CCDC91: variants seen among roughly 807,000 people sequenced by gnomAD.
The protein encoded by CCDC91 is coiled-coil domain-containing protein 91.
A neutral mutation model predicts 63.2 loss-of-function variants in CCDC91; 48 were observed. The observed-to-expected ratio is 0.76, with a 90% CI of 0.60 to 0.97. The LOEUF is 0.97. Among genes scored for constraint, CCDC91 ranks in the 50% least tolerant of loss-of-function variants. CCDC91 has a pLI of 0.00. For missense variants in CCDC91, 500 were observed against 494.6 expected (o/e 1.01, Z -0.10); for synonymous variants, 167 against 165.8 (o/e 1.01, Z -0.06).
chr12:28,506,961 T>A (rs1401448307), intron 12 of CCDC91, among the ~76,000 whole-genome samples: 1 of 151,896 alleles, frequency 6.6e-6, no homozygotes, highest in African/African-American at 2.4e-5. Context: ...TTTATGGGAA[T>A]CAAGCTTTGG....
At chr12:28,432,083 AAATTT>A (rs1948659373) in intron 8 of CCDC91, among the ~76,000 whole-genome samples, 1 of 151,774 alleles carries the variant, frequency 6.6e-6, no homozygotes, top group Non-Finnish European at 1.5e-5. Context: ...TTTTTAAATT[AAATTT>A]AATTTAATTT....
intron 8 of CCDC91, among the ~76,000 whole-genome samples, chr12:28,402,097 T>C (rs541184100): frequency 1.1e-4 from 17 of 152,288 alleles, no homozygotes; most frequent in African/African-American, 2.9e-4. Context: ...TTATTGACAT[T>C]AGGGGTTGAA....
chr12:28,395,290 A>G (rs897885010), intron 8 of CCDC91, among the ~76,000 whole-genome samples: 2 of 152,138 alleles, frequency 1.3e-5, no homozygotes, highest in African/African-American at 2.4e-5. Context: ...TGGACACCAA[A>G]TCGGTGTTCT....
chr12:28,370,568 A>G (rs539624375), intron 7 of CCDC91, among the ~76,000 whole-genome samples: 10 of 152,186 alleles, frequency 6.6e-5, no homozygotes, highest in African/African-American at 1.4e-4. Flanking sequence ...ACATGTTTCA[A>G]CCTTCATCTT....
At chr12:28,287,812 TATTG>T (rs1949003386) in intron 3 of CCDC91, among the ~76,000 whole-genome samples, 1 of 152,246 alleles carries the variant, frequency 6.6e-6, no homozygotes, top group Non-Finnish European at 1.5e-5. Context: ...ATTTTAATGA[TATTG>T]ATTCTTTCTA....
intron 12 of CCDC91, among the ~76,000 whole-genome samples, chr12:28,545,891 T>C (rs1481500107): frequency 6.6e-6 from 1 of 152,138 alleles, no homozygotes; most frequent in Non-Finnish European, 1.5e-5. Context: ...ATTGTGAAAT[T>C]GTACTATATT....
intron 6 of CCDC91, among the ~76,000 whole-genome samples, chr12:28,317,958 A>G (rs1940073854): frequency 6.6e-6 from 1 of 151,954 alleles, no homozygotes; most frequent in Non-Finnish European, 1.5e-5. Context: ...TCACTTTTAT[A>G]CTGTTTCTCC....
At chr12:28,313,015 A>C (rs2137214982) in intron 6 of CCDC91, among the ~76,000 whole-genome samples, 1 of 152,076 alleles carries the variant, frequency 6.6e-6, no homozygotes, top group East Asian at 1.9e-4. Flanking sequence ...ATATATATTA[A>C]ATTTCTTGTT....
At chr12:28,441,818 T>C (rs1949240919) in intron 8 of CCDC91, among the ~76,000 whole-genome samples, 1 of 151,476 alleles carries the variant, frequency 6.6e-6, no homozygotes, top group Admixed American at 6.6e-5. Context: ...CTTGTTGCTT[T>C]GGGGAAAGGG....
Position 28,501,673 on chromosome 12 carries a change from T to C in CCDC91, c.1215+17508T>C, listed in dbSNP as rs1937893991. Among the ~76,000 whole-genome samples the C allele has an allele frequency of 3.3e-5, 5 of 151,980 alleles. No homozygotes were observed. The South Asian group carries it at 1.0e-3, about 31-fold the overall frequency. On this transcript the variant is annotated intron_variant, in intron 12 of 12. Transcript: ENST00000536442. ...GGATATTGGTCTAAAATTCTCTTTT[T>C]TGGTTGTGTCTCTGCCTGGCTTTGG... is the stretch of plus-strand genomic sequence containing the variant.
intron 8 of CCDC91, among the ~76,000 whole-genome samples, chr12:28,445,716 C>T (rs1225564255): frequency 2.0e-5 from 3 of 152,166 alleles, no homozygotes; most frequent in African/African-American, 7.2e-5. Flanking sequence ...GTTCTGGAGG[C>T]TAGAAAGTCC....
chr12:28,494,978 C>T (rs1253430333), intron 12 of CCDC91, among the ~76,000 whole-genome samples: 1 of 151,724 alleles, frequency 6.6e-6, no homozygotes, highest in African/African-American at 2.4e-5. Flanking sequence ...GAGACAGATT[C>T]AGATGGAAAC....
At chr12:28,369,473 T>C (rs2138776506) in intron 7 of CCDC91, among the ~76,000 whole-genome samples, 1 of 152,308 alleles carries the variant, frequency 6.6e-6, no homozygotes, top group African/African-American at 2.4e-5. Context: ...GCCCTGTGGC[T>C]GCTTCCACAG....
At chr12:28,467,495 T>A (rs1004943114) in intron 11 of CCDC91, among the ~76,000 whole-genome samples, 1 of 151,500 alleles carries the variant, frequency 6.6e-6, no homozygotes, top group African/African-American at 2.4e-5. Flanking sequence ...AGAGAGAGAC[T>A]CCAGTAAAAT....
intron 8 of CCDC91, among the ~76,000 whole-genome samples, chr12:28,447,709 T>TGGGAA (rs1949571871): frequency 1.1e-5 from 1 of 87,188 alleles, no homozygotes; most frequent in African/African-American, 4.6e-5. Flanking sequence ...TAAAGAAGAA[T>TGGGAA]GGGAAGGGCA....
At chr12:28,322,959 G>T (rs1174839851) in intron 6 of CCDC91, among the ~76,000 whole-genome samples, 4 of 150,792 alleles carry the variant, frequency 2.7e-5, no homozygotes, top group Non-Finnish European at 4.4e-5. Flanking sequence ...TATGGCTGTT[G>T]ATCATTTTTC....
intron 11 of CCDC91, among the ~76,000 whole-genome samples, chr12:28,472,880 C>A (rs957938287): frequency 1.2e-4 from 18 of 152,128 alleles, no homozygotes; most frequent in Admixed American, 1.0e-3. Context: ...TTTGCACTTG[C>A]ATCCATGTCT....
At chr12:28,201,087 C>G (rs2884646) in intron 1 of CCDC91, among the ~76,000 whole-genome samples, 1 of 149,628 alleles carries the variant, frequency 6.7e-6, no homozygotes, top group African/African-American at 2.5e-5. Flanking sequence ...AGGGCAGAGG[C>G]GCCCCTCACC....
At chr12:28,354,199 C>A (rs1211034935) in intron 6 of CCDC91, among the ~76,000 whole-genome samples, 1 of 152,090 alleles carries the variant, frequency 6.6e-6, no homozygotes, top group African/African-American at 2.4e-5. Context: ...GTCATACTGC[C>A]TCCAAATGAT....
Sources: allele counts gnomAD v4.1 joint callset (sites outside exome capture counted in the v4.1 genomes callset), GRCh38; gene constraint gnomAD v4.1.1; transcripts MANE v1.5; gene names NCBI Gene and HGNC (gene_info 2026-07-23, HGNC 2026-07-21).